The following ZFPM2 variants were observed in gnomAD, a reference collection of about 807,000 sequenced individuals.
ZFPM2 encodes zinc finger protein ZFPM2.
In ZFPM2, 20 loss-of-function variants were observed where a neutral mutation model predicts 98.6. The observed-to-expected ratio is 0.20, with a 90% CI of 0.14 to 0.29. The LOEUF is 0.29. Among genes scored for constraint, ZFPM2 ranks in the 10% least tolerant of loss-of-function variants. ZFPM2 has a pLI of 1.00. For missense variants in ZFPM2, 1,310 were observed against 1,388.6 expected (o/e 0.94, Z 0.90); for synonymous variants, 518 against 502.7 (o/e 1.03, Z -0.41).
At chr8:105,767,109 G>A (rs1444395555) in intron 5 of ZFPM2, among the ~76,000 whole-genome samples, 4 of 151,818 alleles carry the variant, frequency 2.6e-5, no homozygotes, top group Non-Finnish European at 4.4e-5. Flanking sequence ...TAAATATTGT[G>A]GTTTTAAAAC....
chr8:105,730,153 G>T (rs1168711098), intron 5 of ZFPM2, among the ~76,000 whole-genome samples: 1 of 151,634 alleles, frequency 6.6e-6, no homozygotes, highest in Non-Finnish European at 1.5e-5. Context: ...TCTGTTGGTG[G>T]CAGTGGTTAG....
intron 4 of ZFPM2, among the ~76,000 whole-genome samples, chr8:105,628,787 C>G (rs1187337054): frequency 1.3e-5 from 2 of 152,116 alleles, no homozygotes; most frequent in African/African-American, 4.8e-5. Context: ...ATTTACCATC[C>G]TTCAATTTGT....
At chr8:105,722,064 CT>C (rs1320256003) in intron 5 of ZFPM2, among the ~76,000 whole-genome samples, 1 of 151,104 alleles carries the variant, frequency 6.6e-6, no homozygotes, top group Non-Finnish European at 1.5e-5. Context: ...ATAATTTTAC[CT>C]TTTTCCTTTT....
In ZFPM2 at chr8:105,415,543, A is replaced by G. The variant is rs565078298; in HGVS notation, c.41-3601A>G. ...AAATTATGTGTGGTGATTTTTCTGA[A>G]GTGGACTTCTGTGCCCACTAATCCA... On this transcript the variant is annotated intron_variant, in intron 1 of 7. Coordinates refer to ENST00000407775, the MANE Select transcript of ZFPM2 (RefSeq NM_012082.4). Among the ~76,000 whole-genome samples, 6 of 152,128 alleles carry G rather than the reference A, an allele frequency of 3.9e-5. No homozygotes were observed. The South Asian group carries it at 1.2e-3, about 32-fold the overall frequency.
chr8:105,419,031 T>C (rs1811739111), intron 1 of ZFPM2, 113 bp from the exon 2 acceptor site: 2 of 908,406 alleles, frequency 2.2e-6, no homozygotes, highest in Non-Finnish European at 3.3e-6. Context: ...GTGGTACTAC[T>C]TAGAGTATAT....
intron 5 of ZFPM2, among the ~76,000 whole-genome samples, chr8:105,708,704 A>G (rs1182498095): frequency 1.3e-5 from 2 of 152,172 alleles, no homozygotes; most frequent in African/African-American, 2.4e-5. Context: ...TCGGCCTTCC[A>G]TAGTGCTGGG....
At chr8:105,644,522 C>T (rs1443960392) in intron 5 of ZFPM2, among the ~76,000 whole-genome samples, 1 of 151,970 alleles carries the variant, frequency 6.6e-6, no homozygotes, top group Non-Finnish European at 1.5e-5. Context: ...TTTTCTCTCT[C>T]TCTCTCCCTC....
chr8:105,665,951 T>G (rs1210709801), intron 5 of ZFPM2, among the ~76,000 whole-genome samples: 1 of 152,196 alleles, frequency 6.6e-6, no homozygotes, highest in Non-Finnish European at 1.5e-5. Context: ...CAGAACAATA[T>G]GAACCTAAAT....
intron 3 of ZFPM2, among the ~76,000 whole-genome samples, chr8:105,460,299 G>C (rs918953050): frequency 6.6e-6 from 1 of 152,156 alleles, no homozygotes; most frequent in African/African-American, 2.4e-5. Context: ...AGAGAATAAA[G>C]AAGGTCTCAA....
intron 5 of ZFPM2, among the ~76,000 whole-genome samples, chr8:105,751,304 A>C (rs571597737): frequency 6.6e-6 from 1 of 152,218 alleles, no homozygotes; most frequent in East Asian, 1.9e-4. Context: ...AATAATGATA[A>C]CTGATACTAG....
intron 4 of ZFPM2, among the ~76,000 whole-genome samples, chr8:105,561,710 T>C (rs1465406812): frequency 6.6e-6 from 1 of 152,174 alleles, no homozygotes; most frequent in Admixed American, 6.5e-5. Flanking sequence ...TTGTGGCTAG[T>C]AAGGTAATAT....
intron 4 of ZFPM2, among the ~76,000 whole-genome samples, chr8:105,628,081 A>G (rs1816691883): frequency 6.6e-6 from 1 of 152,180 alleles, no homozygotes. Context: ...TCTGTAGAGT[A>G]CTAGGTACTT....
intron 2 of ZFPM2, among the ~76,000 whole-genome samples, chr8:105,441,208 T>A (rs1387475988): frequency 6.6e-6 from 1 of 151,632 alleles, no homozygotes; most frequent in Admixed American, 6.6e-5. Context: ...CCTTGGACCT[T>A]ACCTTGCATT....
chr8:105,610,822 CTA>C (rs1293050400), intron 4 of ZFPM2, among the ~76,000 whole-genome samples: 1 of 152,118 alleles, frequency 6.6e-6, no homozygotes, highest in East Asian at 1.9e-4. Flanking sequence ...GACAGATTTC[CTA>C]AGGGCAGAGA....
chr8:105,343,103 T>C (rs1018336256), intron 1 of ZFPM2, among the ~76,000 whole-genome samples: 6 of 152,128 alleles, frequency 3.9e-5, no homozygotes, highest in Admixed American at 3.9e-4. Context: ...GCTGGAATGA[T>C]ACCCTAAAAC....
chr8:105,451,982 C>T (rs1434222953), intron 3 of ZFPM2, among the ~76,000 whole-genome samples: 2 of 152,036 alleles, frequency 1.3e-5, no homozygotes, highest in Non-Finnish European at 2.9e-5. Context: ...AGGAAAATCA[C>T]TAAAAAATGT....
At chr8:105,653,770 A>G (rs1041590632) in intron 5 of ZFPM2, among the ~76,000 whole-genome samples, 31 of 151,912 alleles carry the variant, frequency 2.0e-4, no homozygotes, top group African/African-American at 7.5e-4. Context: ...TAGAAAACAC[A>G]GAGCATGAGC....
intron 3 of ZFPM2, among the ~76,000 whole-genome samples, chr8:105,489,461 TATATA>T (rs1430205856): frequency 1.4e-5 from 1 of 69,832 alleles, no homozygotes; most frequent in African/African-American, 6.7e-5. Flanking sequence ...TATATATATA[TATATA>T]TTTTTTTTTT....
chr8:105,767,509 A>G (rs1812881183), intron 5 of ZFPM2, among the ~76,000 whole-genome samples: 1 of 151,924 alleles, frequency 6.6e-6, no homozygotes, highest in African/African-American at 2.4e-5. Flanking sequence ...AAAAAATGAA[A>G]CAGTTATTTG....
Sources: gnomAD v4.1 joint callset for allele counts (sites outside exome capture counted in the v4.1 genomes callset) on GRCh38, gnomAD v4.1.1 for gene constraint, MANE v1.5 for transcripts, NCBI Gene and HGNC (gene_info 2026-07-23, HGNC 2026-07-21) for gene names.